Variants in DISP1 observed in about 807,000 individuals in gnomAD.
DISP1 encodes dispatched RND transporter family member 1, also known as protein dispatched homolog 1.
A neutral mutation model predicts 37.3 loss-of-function variants in DISP1; 30 were observed. The observed-to-expected ratio is 0.80, with a 90% confidence interval of 0.60 to 1.09. The LOEUF is 1.09. Ranked by LOEUF, DISP1 falls within the 50% of genes least tolerant of loss-of-function variation. The probability of loss-of-function intolerance (pLI) is 0.00; values close to 1 mark genes in which losing one functional copy is unlikely to be tolerated. For synonymous variants in DISP1, 634 were observed against 690.2 expected (o/e 0.92, Z 1.28); for missense variants, 1,598 against 1,879.5 (o/e 0.85, Z 2.77).
At chr1:222,986,692 C>T (rs578152155) in intron 4 of DISP1, among the ~76,000 whole-genome samples, 3 of 152,286 alleles carry the variant, frequency 2.0e-5, no homozygotes, top group Non-Finnish European at 2.9e-5. Flanking sequence ...CCTTCAGATC[C>T]GTCTCCTATT....
chr1:222,936,925 A>ATG (rs1673930797), intron 2 of DISP1, among the ~76,000 whole-genome samples: 1 of 81,952 alleles, frequency 1.2e-5, no homozygotes, highest in Non-Finnish European at 2.2e-5. Flanking sequence ...TATATTATAT[A>ATG]ATATGTAATA....
At chr1:222,898,695 C>T (rs543837593) in intron 1 of DISP1, among the ~76,000 whole-genome samples, 2 of 152,118 alleles carry the variant, frequency 1.3e-5, no homozygotes, top group East Asian at 3.9e-4. Context: ...TGGTTTAAAA[C>T]ATTTTCAAAT....
chr1:222,902,026 G>A (rs1671615558), intron 1 of DISP1, among the ~76,000 whole-genome samples: 1 of 152,032 alleles, frequency 6.6e-6, no homozygotes. Flanking sequence ...TTTTTATTGT[G>A]TCTATTTGAT....
Position 222,942,878 on chromosome 1 carries a change from G to T in DISP1, c.55G>T (p.Ala19Ser). ...DFVVLSNSSI[A>S]TSAANPSPLT... ...TGTGGTTCTGAGCAACAGCAGCATC[G>T]CAACCAGTGCTGCTAACCCGAGTCC... The change falls in exon 3 of 9, where the codon GCA becomes TCA. Residue 19 changes from alanine to serine, a missense_variant. Ala to Ser is a moderately conservative substitution (Grantham distance 99). Coordinates refer to ENST00000675850, the MANE Select transcript of DISP1 (RefSeq NM_001377229.1). 1.9e-6 allele frequency: 3 copies of T among 1,614,074 alleles called. No individual in the cohort carries two copies. Among genetic ancestry groups the T allele is most frequent in the Non-Finnish European group, 2.5e-6 (3 of 1,180,004 alleles).
chr1:222,879,629 A>G (rs1286574970), intron 1 of DISP1, among the ~76,000 whole-genome samples: 2 of 152,154 alleles, frequency 1.3e-5, no homozygotes, highest in East Asian at 3.8e-4. Flanking sequence ...AAAAAGATGT[A>G]AGGCAAGTTA....
chr1:222,857,956 A>G lies in DISP1; in HGVS notation c.-159+42878A>G, dbSNP rs932965150. On this transcript the variant is annotated intron_variant, in intron 1 of 8. Transcript: ENST00000675850. ...TTAAAAATTTGTATGGAACCAAAAA[A>G]GAGGTCATGTAGCCAAGACAGACCT... Among the ~76,000 whole-genome samples the G allele has an allele frequency of 4.6e-5, 7 of 152,242 alleles. 1 individual carries two copies. The highest frequency in any genetic ancestry group is 4.6e-4 in the Admixed American group (7 of 15,278).
chr1:222,936,820 TA>T lies in DISP1; in HGVS notation c.-17-5985del, dbSNP rs1477190284. On this transcript the variant is annotated intron_variant, in intron 2 of 8. Transcript: ENST00000675850. ...ATATATTATATATATAAATTATATA[TA>T]ATATATATAAATTATATATATCATA... 9.3e-4 allele frequency among the ~76,000 whole-genome samples: 54 copies of T among 57,864 alleles called. 2 individuals carry two copies. Among genetic ancestry groups the T allele is most frequent in the African/African-American group, 3.4e-3 (50 of 14,520 alleles). 38.0% of individuals were successfully genotyped at this position (57,864 alleles called of 152,430 possible).
chr1:222,864,751 T>C (rs762644502), intron 1 of DISP1, among the ~76,000 whole-genome samples: 19 of 152,216 alleles, frequency 1.2e-4, no homozygotes, highest in Non-Finnish European at 2.4e-4. Context: ...ATTTGAATTC[T>C]CTTCCTATAC....
intron 1 of DISP1, among the ~76,000 whole-genome samples, chr1:222,832,604 T>G (rs1167152998): frequency 6.6e-6 from 1 of 152,130 alleles, no homozygotes; most frequent in Non-Finnish European, 1.5e-5. Context: ...AATTTAAAAT[T>G]AAAATGAAGG....
chr1:222,896,299 T>A (rs114524080), intron 1 of DISP1, among the ~76,000 whole-genome samples: 1,699 of 138,136 alleles, frequency 0.012, 26 homozygotes, highest in African/African-American at 0.045. Flanking sequence ...CAGAGCACAA[T>A]CCTGTCTCAA....
At chr1:222,894,731 G>A (rs1671148576) in intron 1 of DISP1, among the ~76,000 whole-genome samples, 1 of 152,216 alleles carries the variant, frequency 6.6e-6, no homozygotes, top group African/African-American at 2.4e-5. Flanking sequence ...GCTCCCACCT[G>A]TTCCCGCTCC....
In DISP1 at chr1:222,884,952, T is replaced by C. The variant is rs551572472; in HGVS notation, c.-158-43478T>C. ...CCTGGGTTCACGCCATTCTCCTGCCTCAGCCCCCCGAGTAGCTAGGACTAC... is the reference window on the plus strand; with the variant it reads ...CCTGGGTTCACGCCATTCTCCTGCCCCAGCCCCCCGAGTAGCTAGGACTAC... On this transcript the variant is annotated intron_variant, in intron 1 of 8. Transcript: ENST00000675850. Among the ~76,000 whole-genome samples the C allele has an allele frequency of 3.9e-3, 591 of 152,228 alleles. 2 individuals carry two copies. The highest frequency in any genetic ancestry group is 6.8e-3 in the Non-Finnish European group (464 of 67,972).
intron 3 of DISP1, among the ~76,000 whole-genome samples, chr1:222,982,732 A>G (rs1186831500): frequency 2.6e-5 from 4 of 152,104 alleles, no homozygotes; most frequent in African/African-American, 9.7e-5. Context: ...AGACTGAGGG[A>G]TGTGGATTCC....
intron 1 of DISP1, among the ~76,000 whole-genome samples, chr1:222,923,677 T>C (rs182927120): frequency 7.9e-5 from 12 of 152,246 alleles, no homozygotes; most frequent in Non-Finnish European, 1.5e-4. Flanking sequence ...CTTGTGGAGA[T>C]TTCCAGTGGA....
At chr1:222,922,783 A>G (rs1672877277) in intron 1 of DISP1, among the ~76,000 whole-genome samples, 1 of 152,158 alleles carries the variant, frequency 6.6e-6, no homozygotes, top group Non-Finnish European at 1.5e-5. Context: ...AAAGGAAAAG[A>G]CCCTTGGATA....
intron 1 of DISP1, among the ~76,000 whole-genome samples, chr1:222,819,156 C>A (rs114362189): frequency 0.011 from 1,691 of 152,242 alleles, 28 homozygotes; most frequent in African/African-American, 0.039. Flanking sequence ...CCCCTGTGCT[C>A]GTCGTTTCTC....
intron 3 of DISP1, among the ~76,000 whole-genome samples, chr1:222,947,739 T>A (rs1674899452): frequency 6.6e-6 from 1 of 151,866 alleles, no homozygotes; most frequent in Non-Finnish European, 1.5e-5. Context: ...AGAGTAGGCA[T>A]CCTAATTGAT....
Position 223,002,469 on chromosome 1 carries a change from A to G in DISP1, c.1072A>G (p.Ile358Val), listed in dbSNP as rs779804618. 3 of 1,614,066 alleles carry G rather than the reference A, an allele frequency of 1.9e-6. No individual in the cohort carries two copies. Among genetic ancestry groups the G allele is most frequent in the Non-Finnish European group, 2.5e-6 (3 of 1,180,042 alleles). ...CCPSWTLGNY[I>V]AILNNRSSCQ... Reference sequence around the variant, plus strand: ...CCCCAGCTGGACACTGGGAAACTACATCGCCATTCTGAACAATAGATCGTC... The same window carrying G: ...CCCCAGCTGGACACTGGGAAACTACGTCGCCATTCTGAACAATAGATCGTC... The change falls in exon 9 of 9, where the codon ATC (isoleucine) becomes GTC (valine). Residue 358 changes from isoleucine to valine, a missense_variant. Coordinates refer to ENST00000675850, the MANE Select transcript of DISP1 (RefSeq NM_001377229.1).
intron 1 of DISP1, among the ~76,000 whole-genome samples, chr1:222,909,326 T>C (rs1456313054): frequency 6.6e-6 from 1 of 152,168 alleles, no homozygotes; most frequent in Admixed American, 6.5e-5. Context: ...TGTTTAAAGC[T>C]CATTATGAAT....
Sources: gnomAD v4.1 joint callset for allele counts (sites outside exome capture counted in the v4.1 genomes callset) on GRCh38, gnomAD v4.1.1 for gene constraint, MANE v1.5 for transcripts, NCBI Gene and HGNC (gene_info 2026-07-23, HGNC 2026-07-21) for gene names.